The following DCHS2 variants were observed in gnomAD, a reference collection of about 807,000 sequenced individuals.
DCHS2 encodes protocadherin-23.
Under a neutral mutation model 182.4 loss-of-function variants are expected in DCHS2, and 142 were observed. The ratio of observed to expected loss-of-function variants is 0.78; its 90% CI spans 0.68 to 0.89. The LOEUF (loss-of-function observed/expected upper bound fraction) is 0.89. DCHS2 is among the 40% of genes least tolerant of loss of function. The pLI, the probability that DCHS2 is intolerant of heterozygous loss-of-function variation, is 0.00. For synonymous variants in DCHS2, 1,740 were observed against 1,663.3 expected (o/e 1.05, Z -1.12); for missense variants, 4,319 against 4,198.6 (o/e 1.03, Z -0.79).
At chr4:154,414,731 A>G (rs530975688) in intron 1 of DCHS2, among the ~76,000 whole-genome samples, 2 of 152,280 alleles carry the variant, frequency 1.3e-5, no homozygotes, top group Non-Finnish European at 2.9e-5. Context: ...CTTTTCTTAC[A>G]TGAATATGTA....
intron 3 of DCHS2, chr4:154,343,362 G>A: frequency 1.8e-6 from 2 of 1,118,604 alleles, no homozygotes; most frequent in Non-Finnish European, 2.3e-6. Context: ...AAGTTCTGAA[G>A]CCAGGCATTG....
chr4:154,411,220 G>T (rs532266675), intron 1 of DCHS2, among the ~76,000 whole-genome samples: 12 of 144,244 alleles, frequency 8.3e-5, no homozygotes, highest in Non-Finnish European at 7.5e-5. Flanking sequence ...TAAAACAGTG[G>T]TTATCAGGGT....
intron 1 of DCHS2, among the ~76,000 whole-genome samples, chr4:154,388,440 G>A (rs1356136745): frequency 6.6e-6 from 1 of 150,922 alleles, no homozygotes; most frequent in Non-Finnish European, 1.5e-5. Flanking sequence ...TGGGGAATAG[G>A]TGATTTTTTT....
At chr4:154,396,495 C>T (rs966154077) in intron 1 of DCHS2, among the ~76,000 whole-genome samples, 3 of 152,098 alleles carry the variant, frequency 2.0e-5, no homozygotes, top group Non-Finnish European at 4.4e-5. Flanking sequence ...CATTATAACT[C>T]CAATTTGTTG....
At chr4:154,397,729 A>T (rs1731994072) in intron 1 of DCHS2, among the ~76,000 whole-genome samples, 1 of 152,192 alleles carries the variant, frequency 6.6e-6, no homozygotes, top group Non-Finnish European at 1.5e-5. Flanking sequence ...AGTTCACTTT[A>T]AAAAATGGCA....
chr4:154,373,153 C>G (rs927967258), intron 2 of DCHS2, among the ~76,000 whole-genome samples: 3 of 152,190 alleles, frequency 2.0e-5, no homozygotes, highest in African/African-American at 7.2e-5. Context: ...CTAAAATGTC[C>G]TGTCTGCATT....
At chr4:154,384,913 TTTTTTA>T (rs199679639) in intron 1 of DCHS2, among the ~76,000 whole-genome samples, 5,692 of 152,018 alleles carry the variant, frequency 0.037, 142 homozygotes, top group Middle Eastern at 0.061. Context: ...TATGGAAATG[TTTTTTA>T]TTTTTATTTT....
At chr4:154,369,946 C>T (rs1291731135) in intron 2 of DCHS2, among the ~76,000 whole-genome samples, 1 of 152,190 alleles carries the variant, frequency 6.6e-6, no homozygotes, top group African/African-American at 2.4e-5. Flanking sequence ...GTTACTTCTA[C>T]TTTGGTAATT....
chr4:154,445,200 C>T (rs974286828), intron 1 of DCHS2, among the ~76,000 whole-genome samples: 8 of 152,120 alleles, frequency 5.3e-5, no homozygotes, highest in African/African-American at 1.9e-4. Flanking sequence ...AGATATTGGC[C>T]CACAGTGTTA....
chr4:154,373,763 T>G lies in DCHS2; in HGVS notation c.2244+3490A>C. 4.9e-6 allele frequency: 3 copies of G among 613,682 alleles called. No individual in the cohort carries two copies. In the East Asian group the frequency reaches 8.9e-5, roughly 18 times the overall value. 38.0% of individuals were successfully genotyped at this position (613,682 alleles called of 1,614,324 possible). On this transcript the variant is annotated intron_variant, in intron 2 of 19. Coordinates refer to ENST00000357232, the MANE Select transcript of DCHS2 (RefSeq NM_001358235.2). The stretch of plus-strand genomic sequence containing the variant: ...CTGGATCTCCATTCAGCCTCATACC[T>G]GCAAGACGGGCAAGAGGGCAAGAAG...
intron 10 of DCHS2, among the ~76,000 whole-genome samples, chr4:154,310,716 A>C (rs1196499024): frequency 6.6e-6 from 1 of 152,216 alleles, no homozygotes; most frequent in Non-Finnish European, 1.5e-5. Context: ...AAGAACTATC[A>C]GAACTCATTG....
chr4:154,416,394 G>C (rs1165933916), intron 1 of DCHS2, among the ~76,000 whole-genome samples: 1 of 152,230 alleles, frequency 6.6e-6, no homozygotes, highest in African/African-American at 2.4e-5. Context: ...CAGGGAGGCT[G>C]TGTTTATCCA....
At chr4:154,260,988 A>G (rs1317629650) in intron 14 of DCHS2, among the ~76,000 whole-genome samples, 3 of 152,066 alleles carry the variant, frequency 2.0e-5, no homozygotes, top group African/African-American at 7.2e-5. Flanking sequence ...TCTAGATTTT[A>G]CTGTTTTTTC....
intron 1 of DCHS2, chr4:154,391,255 C>A: frequency 6.2e-7 from 1 of 1,611,120 alleles, no homozygotes; most frequent in South Asian, 1.1e-5. Context: ...ATCTTCTTTT[C>A]TCCGTCTTCA....
rs542987289 is a variant in DCHS2, at chr4:154,468,923, C to T, written c.2052+20381G>A. The stretch of plus-strand genomic sequence containing the variant: ...GTGGAAGAAGAGAGGAAGGGAGAGA[C>T]GTGAAGAAGGAAGGAAACGGTAACT... On this transcript the variant is annotated intron_variant, in intron 1 of 19. Transcript: ENST00000357232. Among the ~76,000 whole-genome samples the T allele has an allele frequency of 3.9e-5, 6 of 151,982 alleles. No homozygotes were observed. The South Asian group carries it at 1.2e-3, about 32-fold the overall frequency.
intron 1 of DCHS2, among the ~76,000 whole-genome samples, chr4:154,417,020 G>A (rs563598026): frequency 6.6e-6 from 1 of 152,152 alleles, no homozygotes. Context: ...CGGACGCCAA[G>A]CGGCACTATT....
Position 154,491,266 on chromosome 4 carries a change from A to C in DCHS2, c.90T>G (p.Asp30Glu). Residue 30 changes from aspartate to glutamate, a missense_variant, in exon 1 of 20, where the codon GAT becomes GAG. By Grantham distance (45) the Asp-to-Glu change is conservative (BLOSUM62 2). Coordinates refer to ENST00000357232, the MANE Select transcript of DCHS2 (RefSeq NM_001358235.2). Reference sequence around the variant, plus strand: ...TGCTGCCTGACCGCCCATGGGGTGTATCTCTCCTCCCGGGGAGCAGAAGGA... The same window carrying C: ...TGCTGCCTGACCGCCCATGGGGTGTCTCTCTCCTCCCGGGGAGCAGAAGGA... The part of the protein sequence containing the change: ...GKLLLLPGRR[D>E]TPHGRSGSSG... The C allele has an allele frequency of 6.4e-7, 1 of 1,551,114 alleles. No individual in the cohort carries two copies. Among genetic ancestry groups the C allele is most frequent in the Non-Finnish European group, 8.7e-7 (1 of 1,146,860 alleles).
intron 1 of DCHS2, among the ~76,000 whole-genome samples, chr4:154,379,732 C>G (rs1731083862): frequency 6.6e-6 from 1 of 152,116 alleles, no homozygotes; most frequent in African/African-American, 2.4e-5. Flanking sequence ...AATATACATG[C>G]AGGAGCTACA....
At chr4:154,250,444 C>A (rs890161730) in intron 16 of DCHS2, among the ~76,000 whole-genome samples, 1 of 152,114 alleles carries the variant, frequency 6.6e-6, no homozygotes, top group Non-Finnish European at 1.5e-5. Context: ...TGAGTGAAGA[C>A]CCCTACCCTG....
Sources: gnomAD v4.1 joint callset for allele counts (sites outside exome capture counted in the v4.1 genomes callset) on GRCh38, gnomAD v4.1.1 for gene constraint, MANE v1.5 for transcripts, NCBI Gene and HGNC (gene_info 2026-07-23, HGNC 2026-07-21) for gene names.